PAFAH1B1: variants seen among roughly 807,000 people sequenced by gnomAD.
PAFAH1B1 encodes platelet activating factor acetylhydrolase 1b regulatory subunit 1, also known as platelet-activating factor acetylhydrolase IB subunit beta.
Under a neutral mutation model 57.5 loss-of-function variants are expected in PAFAH1B1, and 2 were observed. The ratio of observed to expected loss-of-function variants is 0.03; its 90% CI spans 0.01 to 0.11. PAFAH1B1 has a LOEUF of 0.11. Among genes scored for constraint, PAFAH1B1 ranks in the 10% least tolerant of loss-of-function variants. PAFAH1B1 has a pLI of 1.00. For missense variants in PAFAH1B1, 257 were observed against 512.0 expected (o/e 0.50, Z 4.81); for synonymous variants, 152 against 169.6 (o/e 0.90, Z 0.81).
chr17:2,673,397 T>C (rs2069209513), intron 7 of PAFAH1B1, among the ~76,000 whole-genome samples: 1 of 152,024 alleles, frequency 6.6e-6, no homozygotes, highest in Non-Finnish European at 1.5e-5. Flanking sequence ...CCCAGCACTT[T>C]GGGAGGCAGA....
At chr17:2,655,568 C>T (rs879329858) in intron 2 of PAFAH1B1, among the ~76,000 whole-genome samples, 5 of 152,018 alleles carry the variant, frequency 3.3e-5, no homozygotes, top group African/African-American at 1.2e-4. Context: ...CCAGCTACTC[C>T]GGAGGCAGAG....
At chr17:2,648,774 C>A (rs994034090) in intron 2 of PAFAH1B1, among the ~76,000 whole-genome samples, 20 of 147,432 alleles carry the variant, frequency 1.4e-4, no homozygotes, top group Non-Finnish European at 2.4e-4. Flanking sequence ...AAAAAAAAAA[C>A]CCTGTAGAAA....
chr17:2,648,784 A>T (rs1359165894), intron 2 of PAFAH1B1, among the ~76,000 whole-genome samples: 1 of 152,094 alleles, frequency 6.6e-6, no homozygotes, highest in Non-Finnish European at 1.5e-5. Flanking sequence ...CCCTGTAGAA[A>T]ATAACAGGAT....
intron 1 of PAFAH1B1, among the ~76,000 whole-genome samples, chr17:2,634,452 G>A (rs544373493): frequency 6.6e-6 from 1 of 152,166 alleles, no homozygotes; most frequent in South Asian, 2.1e-4. Flanking sequence ...TTGGTTGTAA[G>A]CCAGAAATCA....
At chr17:2,643,356 C>G (rs1320383430) in intron 2 of PAFAH1B1, among the ~76,000 whole-genome samples, 1 of 152,130 alleles carries the variant, frequency 6.6e-6, no homozygotes, top group Non-Finnish European at 1.5e-5. Context: ...TGGGCTCAAG[C>G]TATTCTCCTG....
At position 2,653,351 on chromosome 17, in the gene PAFAH1B1, A is replaced by G. The variant is rs944600276; in HGVS notation, c.33-12021A>G. ...GAGTTAATGGGTGCAGCACACCAAC[A>G]TGGCACATGTATACATATGTAACAA... On this transcript the variant is annotated intron_variant, in intron 2 of 10. Transcript: ENST00000397195. Among the ~76,000 whole-genome samples the G allele has an allele frequency of 1.3e-4, 20 of 152,040 alleles. 1 individual carries two copies. The highest frequency in any genetic ancestry group is 4.8e-4 in the African/African-American group (20 of 41,410).
chr17:2,651,612 C>T (rs888226681), intron 2 of PAFAH1B1, among the ~76,000 whole-genome samples: 1 of 151,202 alleles, frequency 6.6e-6, no homozygotes, highest in Non-Finnish European at 1.5e-5. Context: ...AAATACATTT[C>T]AATATGAGGT....
chr17:2,593,624 A>T (rs2068047189), upstream of PAFAH1B1: 1 of 203,638 alleles, frequency 4.9e-6, no homozygotes, highest in South Asian at 1.0e-4. Context: ...CGGCGCGGTG[A>T]CGTCAGGGCG....
intron 2 of PAFAH1B1, among the ~76,000 whole-genome samples, chr17:2,662,480 C>A (rs1369192257): frequency 6.8e-6 from 1 of 146,626 alleles, no homozygotes; most frequent in African/African-American, 2.5e-5. Flanking sequence ...CTTGGCTCAC[C>A]GAAACCTTTG....
intron 8 of PAFAH1B1, chr17:2,676,167 TAGG>T: frequency 3.2e-6 from 1 of 314,420 alleles, no homozygotes; most frequent in South Asian, 2.8e-5. Context: ...CATCTGAGGT[TAGG>T]AGTTCAAGAC....
chr17:2,671,669 CTT>C (rs2151665304), intron 6 of PAFAH1B1, among the ~76,000 whole-genome samples: 1 of 129,682 alleles, frequency 7.7e-6, no homozygotes, highest in East Asian at 2.6e-4. Flanking sequence ...GTGGCACAAT[CTT>C]TGCTCACTGC....
chr17:2,680,437 T>C (rs1034655886), intron 10 of PAFAH1B1, 117 bp downstream of exon 10: 2 of 893,500 alleles, frequency 2.2e-6, no homozygotes, highest in Admixed American at 3.5e-5. Flanking sequence ...CAGGGCAGAA[T>C]AGAGAAGACA....
Position 2,665,377 on chromosome 17 carries a change from G to A in PAFAH1B1, c.38G>A (p.Arg13Gln), listed in dbSNP as rs374766360. 1.1e-5 allele frequency: 17 copies of A among 1,592,160 alleles called. No individual in the cohort carries two copies. The highest frequency in any genetic ancestry group is 2.2e-5 in the South Asian group (2 of 90,544). ...CATTTGAATTTTTCTTTCAGAAATC[G>A]AGCTATAGCAGATTATCTTCGTTCA... ...LSQRQRDELN[R>Q]AIADYLRSNG... Residue 13 changes from arginine (R) to glutamine (Q), a missense_variant, in exon 3 of 11, where the codon CGA becomes CAA. By Grantham distance (43) the Arg-to-Gln change is conservative. Transcript: ENST00000397195.
At chr17:2,653,833 G>A (rs914361428) in intron 2 of PAFAH1B1, among the ~76,000 whole-genome samples, 2 of 151,918 alleles carry the variant, frequency 1.3e-5, no homozygotes, top group Non-Finnish European at 2.9e-5. Context: ...TTGAAACCGA[G>A]TCTTATACTC....
At chr17:2,645,337 C>G (rs980491121) in intron 2 of PAFAH1B1, among the ~76,000 whole-genome samples, 2 of 152,006 alleles carry the variant, frequency 1.3e-5, no homozygotes, top group African/African-American at 2.4e-5. Context: ...GTGGCTCATG[C>G]CTGTCATCCC....
In PAFAH1B1 at chr17:2,593,747, C is replaced by T; in HGVS notation, c.-450C>T. ...AGCAGCGACACGGGAGTCTAGGGAG[C>T]GAGAAGGAGAAGGAGGGGAGCGCTC... On this transcript the variant is annotated 5_prime_UTR_variant, in exon 1 of 11. Transcript: ENST00000397195. 1 of 377,644 alleles carries T rather than the reference C, an allele frequency of 2.6e-6. No individual in the cohort carries two copies. The highest frequency in any genetic ancestry group is 4.7e-6 in the Non-Finnish European group (1 of 213,192). 23.4% of individuals were successfully genotyped at this position (377,644 alleles called of 1,614,324 possible). A position where few individuals can be genotyped will look rare whatever the true frequency, so the allele number is the denominator to read the frequency against.
intron 2 of PAFAH1B1, among the ~76,000 whole-genome samples, chr17:2,648,142 A>G (rs1285288931): frequency 1.3e-5 from 2 of 152,154 alleles, no homozygotes; most frequent in Non-Finnish European, 2.9e-5. Context: ...CAGAAAGGAG[A>G]AGAATGAGAG....
At chr17:2,639,327 T>A (rs2068666510) in intron 2 of PAFAH1B1, 1 of 152,238 alleles carries the variant, frequency 6.6e-6, no homozygotes, top group Non-Finnish European at 1.5e-5. Flanking sequence ...TTATCACTGA[T>A]GTCTTTCCTT....
Position 2,651,081 on chromosome 17 carries a change from G to A in PAFAH1B1, c.32+12761G>A, listed in dbSNP as rs182074524. The stretch of plus-strand genomic sequence containing the variant: ...TTTTATAGTAATGTCTAAGCCATCT[G>A]GAATTTATGTTTGTTGATTATGCAA... On this transcript the variant is annotated intron_variant, in intron 2 of 10. Coordinates refer to ENST00000397195, the MANE Select transcript of PAFAH1B1 (RefSeq NM_000430.4). Among the ~76,000 whole-genome samples, 4 of 152,150 alleles carry A rather than the reference G, an allele frequency of 2.6e-5. No homozygotes were observed. In the East Asian group the frequency reaches 5.8e-4, roughly 22 times the overall value.
Sources: allele counts gnomAD v4.1 joint callset (sites outside exome capture counted in the v4.1 genomes callset), GRCh38; gene constraint gnomAD v4.1.1; transcripts MANE v1.5; gene names NCBI Gene and HGNC (gene_info 2026-07-23, HGNC 2026-07-21).